The following CTIF variants were observed in gnomAD, a reference collection of about 807,000 sequenced individuals.
CTIF encodes CBP80/20-dependent translation initiation factor.
Under a neutral mutation model 66.0 loss-of-function variants are expected in CTIF, and 21 were observed. That is an observed-to-expected ratio of 0.32 (90% confidence interval 0.23 to 0.46). The LOEUF (loss-of-function observed/expected upper bound fraction) is 0.46, where lower values mean the gene tolerates loss of function less well. CTIF is among the 20% of genes least tolerant of loss of function. The pLI is 1.00. For missense variants in CTIF, 739 were observed against 812.7 expected (o/e 0.91, Z 1.10); for synonymous variants, 345 against 326.4 (o/e 1.06, Z -0.62).
chr18:48,774,988 G>A (rs1599021287), intron 9 of CTIF, among the ~76,000 whole-genome samples: 1 of 152,148 alleles, frequency 6.6e-6, no homozygotes, highest in East Asian at 1.9e-4. Flanking sequence ...TGTGGCAAGG[G>A]GAGTAATATC....
chr18:48,759,638 C>T (rs935352432), intron 8 of CTIF, among the ~76,000 whole-genome samples: 1 of 152,236 alleles, frequency 6.6e-6, no homozygotes, highest in South Asian at 2.1e-4. Flanking sequence ...GCCCCAGTTA[C>T]TCATCTGTAA....
chr18:48,644,910 T>C (rs899683214), intron 3 of CTIF, among the ~76,000 whole-genome samples: 2 of 152,194 alleles, frequency 1.3e-5, no homozygotes, highest in Non-Finnish European at 2.9e-5. Flanking sequence ...CAACTTACTA[T>C]TGGATCCAAA....
intron 10 of CTIF, among the ~76,000 whole-genome samples, chr18:48,829,606 G>A (rs192037307): frequency 6.6e-6 from 1 of 152,352 alleles, no homozygotes; most frequent in Non-Finnish European, 1.5e-5. Context: ...TCCAGCACAG[G>A]TGCCCTCCAT....
At chr18:48,557,200 A>G (rs1297034880) in intron 1 of CTIF, among the ~76,000 whole-genome samples, 1 of 152,098 alleles carries the variant, frequency 6.6e-6, no homozygotes, top group Non-Finnish European at 1.5e-5. Context: ...AACTGCAGAA[A>G]CAGTACCTTG....
chr18:48,685,434 G>T (rs552124246), intron 6 of CTIF, among the ~76,000 whole-genome samples: 4 of 152,040 alleles, frequency 2.6e-5, no homozygotes, highest in South Asian at 4.2e-4. Context: ...TGTTAGCCAG[G>T]CTGGTCTTGA....
intron 3 of CTIF, among the ~76,000 whole-genome samples, chr18:48,638,417 T>C (rs2090863941): frequency 6.6e-6 from 1 of 152,130 alleles, no homozygotes; most frequent in African/African-American, 2.4e-5. Flanking sequence ...GTCTGCTGTC[T>C]TTCCCCTCTG....
intron 10 of CTIF, among the ~76,000 whole-genome samples, chr18:48,824,102 G>A (rs2068537242): frequency 6.6e-6 from 1 of 151,890 alleles, no homozygotes; most frequent in Admixed American, 6.6e-5. Flanking sequence ...TGCACTATCT[G>A]AAGAGGAAAT....
At chr18:48,834,033 T>TCCCC (rs2068752948) in intron 10 of CTIF, among the ~76,000 whole-genome samples, 2 of 150,826 alleles carry the variant, frequency 1.3e-5, no homozygotes, top group Non-Finnish European at 3.0e-5. Context: ...TCCCCCTCCT[T>TCCCC]TCCCCTCCCC....
chr18:48,698,198 G>A (rs940674533), intron 6 of CTIF, among the ~76,000 whole-genome samples: 2 of 128,740 alleles, frequency 1.6e-5, no homozygotes, highest in African/African-American at 5.7e-5. Context: ...GGAACACCAA[G>A]TACACAAGGA....
At chr18:48,776,355 G>C (rs971034119) in intron 9 of CTIF, among the ~76,000 whole-genome samples, 1 of 134,366 alleles carries the variant, frequency 7.4e-6, no homozygotes, top group Non-Finnish European at 1.6e-5. Context: ...TGCTCGCTGT[G>C]GGGGAGGGGG....
intron 1 of CTIF, among the ~76,000 whole-genome samples, chr18:48,613,675 T>C (rs138806393): frequency 1.6e-4 from 25 of 152,062 alleles, no homozygotes; most frequent in African/African-American, 6.0e-4. Context: ...CTGGATGAGG[T>C]TGTTTAACAG....
intron 3 of CTIF, among the ~76,000 whole-genome samples, chr18:48,651,033 C>G (rs1203760398): frequency 6.6e-6 from 1 of 152,138 alleles, no homozygotes; most frequent in Admixed American, 6.5e-5. Context: ...CCAGCCACTG[C>G]AAAAACATGC....
chr18:48,807,578 G>GT (rs2068174125), intron 9 of CTIF, among the ~76,000 whole-genome samples: 1 of 90,574 alleles, frequency 1.1e-5, no homozygotes, highest in African/African-American at 4.9e-5. Flanking sequence ...TTTTGTTGTT[G>GT]TGTTTTTTTT....
chr18:48,777,830 A>AT (rs1910832810), intron 9 of CTIF, among the ~76,000 whole-genome samples: 2 of 152,332 alleles, frequency 1.3e-5, no homozygotes, highest in South Asian at 4.1e-4. Flanking sequence ...AGGGCAGGCC[A>AT]TGGGGCGGTG....
intron 5 of CTIF, among the ~76,000 whole-genome samples, chr18:48,665,462 ATATAATTTTT>A (rs2091421425): frequency 6.6e-6 from 1 of 152,158 alleles, no homozygotes. Flanking sequence ...TTATAGTTTT[ATATAATTTTT>A]AATGAGGCAG....
intron 1 of CTIF, among the ~76,000 whole-genome samples, chr18:48,594,085 C>T (rs1476320407): frequency 6.7e-6 from 1 of 150,374 alleles, no homozygotes; most frequent in Non-Finnish European, 1.5e-5. Flanking sequence ...TGCCCCCTTC[C>T]CCCACTCCTG....
intron 6 of CTIF, among the ~76,000 whole-genome samples, chr18:48,685,030 A>ATTTTTTTTT (rs35327726): frequency 7.5e-6 from 1 of 133,624 alleles, no homozygotes; most frequent in African/African-American, 2.7e-5. Context: ...GTTTGTTTGT[A>ATTTTTTTTT]TTTTTTTTTT....
At chr18:48,831,508 C>T (rs750664183) in intron 10 of CTIF, among the ~76,000 whole-genome samples, 17 of 152,046 alleles carry the variant, frequency 1.1e-4, no homozygotes, top group South Asian at 6.2e-4. Flanking sequence ...CCATGAGGAA[C>T]GGAGGAAGTT....
intron 1 of CTIF, among the ~76,000 whole-genome samples, chr18:48,569,530 G>T (rs979780785): frequency 2.6e-5 from 4 of 151,780 alleles, no homozygotes; most frequent in African/African-American, 9.7e-5. Context: ...TTTATAAAAA[G>T]ATTTCATAAC....
Sources: allele counts gnomAD v4.1 joint callset (sites outside exome capture counted in the v4.1 genomes callset), GRCh38; gene constraint gnomAD v4.1.1; transcripts MANE v1.5; gene names NCBI Gene and HGNC (gene_info 2026-07-23, HGNC 2026-07-21).